Variants in LRRC8D observed in about 807,000 individuals in gnomAD.
The protein encoded by LRRC8D is volume-regulated anion channel subunit LRRC8D.
Under a neutral mutation model 55.8 loss-of-function variants are expected in LRRC8D, and 20 were observed. The ratio of observed to expected loss-of-function variants is 0.36; its 90% CI spans 0.25 to 0.52. The LOEUF is 0.52. Among genes scored for constraint, LRRC8D ranks in the 20% least tolerant of loss-of-function variants. LRRC8D has a pLI of 0.93. For synonymous variants in LRRC8D, 352 were observed against 377.0 expected, an observed-to-expected ratio of 0.93 and a Z score of 0.77; for missense variants, 651 against 1,030.8, an observed-to-expected ratio of 0.63 and a Z score of 5.05.
chr1:89,871,541 T>C (rs1282255413), intron 2 of LRRC8D, among the ~76,000 whole-genome samples: 1 of 152,252 alleles, frequency 6.6e-6, no homozygotes, highest in African/African-American at 2.4e-5. Context: ...TCTTAAACTA[T>C]TTGCATTTAC....
At chr1:89,839,901 C>T (rs1661091533) in intron 1 of LRRC8D, among the ~76,000 whole-genome samples, 1 of 152,176 alleles carries the variant, frequency 6.6e-6, no homozygotes, top group Admixed American at 6.5e-5. Context: ...TTTTAACCGC[C>T]AAACTAAGAT....
chr1:89,869,659 A>C (rs1423674262), intron 2 of LRRC8D, among the ~76,000 whole-genome samples: 2 of 152,214 alleles, frequency 1.3e-5, no homozygotes, highest in African/African-American at 4.8e-5. Context: ...CATAATCATC[A>C]GATTCACCAA....
chr1:89,931,232 A>G (rs1299225448), intron 2 of LRRC8D, among the ~76,000 whole-genome samples: 4 of 144,412 alleles, frequency 2.8e-5, no homozygotes, highest in Non-Finnish European at 6.0e-5. Context: ...TACTCTGTGC[A>G]GTACTAGGTA....
At position 89,916,833 on chromosome 1, in the gene LRRC8D, G is replaced by A. The variant is rs1220450560; in HGVS notation, c.-2-16234G>A. Among the ~76,000 whole-genome samples, 17 of 152,040 alleles carry A rather than the reference G, an allele frequency of 1.1e-4. No homozygotes were observed. The South Asian group carries it at 1.7e-3, about 15-fold the overall frequency. On this transcript the variant is annotated intron_variant, in intron 2 of 2. Transcript: ENST00000337338. The stretch of plus-strand genomic sequence containing the variant: ...TTTCTGGACATTTAAATCCAATTTT[G>A]TGGAATTTTCAGGGTAGGAACATTC...
intron 1 of LRRC8D, among the ~76,000 whole-genome samples, chr1:89,834,342 T>C (rs189107313): frequency 6.6e-6 from 1 of 152,346 alleles, no homozygotes; most frequent in African/African-American, 2.4e-5. Context: ...ACAACGGCTA[T>C]CATGTTAGTG....
At chr1:89,854,093 C>T (rs780340548) in intron 2 of LRRC8D, among the ~76,000 whole-genome samples, 2 of 152,072 alleles carry the variant, frequency 1.3e-5, no homozygotes, top group Non-Finnish European at 1.5e-5. Context: ...GGAATTGGGA[C>T]GTTTATTCCA....
rs547429331 is a variant in LRRC8D at position 89,900,412 on chromosome 1, G to A, written c.-2-32655G>A. ...GAGAGATGTAGGTTAAAAAGTCATC[G>A]TCTGTTTTCTTAGTTTGCCTGATTT... On this transcript the variant is annotated intron_variant, in intron 2 of 2. Coordinates refer to ENST00000337338, the MANE Select transcript of LRRC8D (RefSeq NM_001134479.2). Among the ~76,000 whole-genome samples, 44 of 152,224 alleles carry A rather than the reference G, an allele frequency of 2.9e-4. 3 individuals are homozygous for A. In the South Asian group the frequency reaches 3.3e-3, roughly 11 times the overall value.
At chr1:89,851,060 GT>G (rs1192722739) in intron 2 of LRRC8D, among the ~76,000 whole-genome samples, 1 of 144,360 alleles carries the variant, frequency 6.9e-6, no homozygotes, top group East Asian at 2.1e-4. Context: ...ATTTTCTTCT[GT>G]TTTTTTGTGT....
intron 2 of LRRC8D, among the ~76,000 whole-genome samples, chr1:89,908,953 G>A (rs1039928691): frequency 4.6e-5 from 7 of 152,160 alleles, no homozygotes; most frequent in East Asian, 1.9e-4. Flanking sequence ...TACCCTCAAC[G>A]TGTTCCTTGT....
intron 1 of LRRC8D, among the ~76,000 whole-genome samples, chr1:89,838,209 AAG>A (rs138200883): frequency 0.66 from 93,427 of 141,690 alleles, 32,419 homozygotes; most frequent in East Asian, 0.83. Flanking sequence ...AAAAAAAAAA[AAG>A]GGGGGAAAAA....
chr1:89,924,357 A>G lies in LRRC8D; in HGVS notation c.-2-8710A>G, dbSNP rs537103005. Among the ~76,000 whole-genome samples the G allele has an allele frequency of 3.3e-5, 5 of 152,354 alleles. No homozygotes were observed. In the East Asian group the frequency reaches 5.8e-4, roughly 18 times the overall value. On this transcript the variant is annotated intron_variant, in intron 2 of 2. Transcript: ENST00000337338. ...CTAATCATTAGAGAAATGCAAATCAAAAAGTCAGTGAGATACCCTCTCACA... is the reference window on the plus strand; with the variant it reads ...CTAATCATTAGAGAAATGCAAATCAGAAAGTCAGTGAGATACCCTCTCACA...
At chr1:89,876,019 G>A (rs60640135) in intron 2 of LRRC8D, among the ~76,000 whole-genome samples, 72 of 152,292 alleles carry the variant, frequency 4.7e-4, no homozygotes, top group African/African-American at 1.6e-3. Flanking sequence ...TAGGGAGCAT[G>A]TCAGCCCCTG....
intron 2 of LRRC8D, among the ~76,000 whole-genome samples, chr1:89,921,731 G>A (rs749986554): frequency 6.6e-6 from 1 of 152,088 alleles, no homozygotes; most frequent in Non-Finnish European, 1.5e-5. Flanking sequence ...TTTTAGTAGA[G>A]TCATGGTTTC....
At chr1:89,855,708 C>G (rs943162779) in intron 2 of LRRC8D, among the ~76,000 whole-genome samples, 10 of 152,132 alleles carry the variant, frequency 6.6e-5, no homozygotes, top group Non-Finnish European at 1.0e-4. Flanking sequence ...GTCTTAATTT[C>G]TCCACATAAT....
Position 89,934,814 on chromosome 1 carries a change from A to G in LRRC8D, c.1746A>G (p.Glu582=). The G allele has an allele frequency of 6.2e-7, 1 of 1,614,116 alleles. No homozygotes were observed. The highest frequency in any genetic ancestry group is 8.5e-7 in the Non-Finnish European group (1 of 1,180,014). ...AAAACAATAAGATGATAGGACTTGA[A>G]TCTCTCCGAGAGTTGCGGCACCTTA... The part of the protein sequence containing the change: ...NSENNKMIGL[E]SLRELRHLKI... The change falls in exon 3 of 3, where the codon GAA becomes GAG. Residue 582 remains glutamate, a synonymous_variant. Transcript: ENST00000337338. This position sits in a 1 kb window ranked among gnomAD's most constrained non-coding sequence, Gnocchi z 5.9.
chr1:89,906,379 AG>A (rs1662994905), intron 2 of LRRC8D, among the ~76,000 whole-genome samples: 1 of 152,222 alleles, frequency 6.6e-6, no homozygotes, highest in African/African-American at 2.4e-5. Context: ...TCATCACTGA[AG>A]GGAATTCATC....
intron 2 of LRRC8D, among the ~76,000 whole-genome samples, chr1:89,879,828 CAT>C (rs1662236540): frequency 6.6e-6 from 1 of 152,046 alleles, no homozygotes; most frequent in Non-Finnish European, 1.5e-5. Context: ...GGGATAAAAA[CAT>C]AAATATGGTG....
At chr1:89,881,430 G>A (rs1662280497) in intron 2 of LRRC8D, among the ~76,000 whole-genome samples, 1 of 152,154 alleles carries the variant, frequency 6.6e-6, no homozygotes, top group East Asian at 1.9e-4. Context: ...CTAAACTAAG[G>A]ACCCCCCTGA....
chr1:89,933,392 C>T lies in LRRC8D; in HGVS notation c.324C>T (p.Asp108=), dbSNP rs1279185528. Residue 108 remains aspartate, a synonymous_variant, in exon 3 of 3, where the codon GAC becomes GAT. Transcript: ENST00000337338. This position sits in a 1 kb window ranked among gnomAD's most constrained non-coding sequence, Gnocchi z 7.0. The part of the protein sequence containing the change: ...ISFGTSAVTP[D]IPLRATYPRT... ...TTGGGACATCTGCTGTGACACCTGACATACCTCTCAGAGCCACATATCCTC... is the reference window on the plus strand; with the variant it reads ...TTGGGACATCTGCTGTGACACCTGATATACCTCTCAGAGCCACATATCCTC... The T allele has an allele frequency of 6.2e-7, 1 of 1,614,148 alleles. No homozygotes were observed. Among genetic ancestry groups the T allele is most frequent in the Admixed American group, 1.7e-5 (1 of 60,020 alleles).
Sources: gnomAD v4.1 joint callset for allele counts (sites outside exome capture counted in the v4.1 genomes callset) on GRCh38, gnomAD v4.1.1 for gene constraint, Gnocchi (gnomAD v3.1) non-coding constraint, MANE v1.5 for transcripts, NCBI Gene and HGNC (gene_info 2026-07-23, HGNC 2026-07-21) for gene names.